Variants in TBC1D23 observed in about 807,000 individuals in gnomAD.
The protein encoded by TBC1D23 is TBC1 domain family member 23.
In TBC1D23, 55 loss-of-function variants were observed where a neutral mutation model predicts 91.4. That is an observed-to-expected ratio of 0.60 (90% CI 0.48 to 0.75). TBC1D23 has a LOEUF of 0.75. Among genes scored for constraint, TBC1D23 ranks in the 30% least tolerant of loss-of-function variants. TBC1D23 has a pLI of 0.00. For synonymous variants in TBC1D23, 289 were observed against 281.0 expected, an observed-to-expected ratio of 1.03 and a Z score of -0.28; for missense variants, 725 against 836.1, an observed-to-expected ratio of 0.87 and a Z score of 1.64.
chr3:100,322,179 C>T (rs1449576223), intron 18 of TBC1D23, among the ~76,000 whole-genome samples: 3 of 152,206 alleles, frequency 2.0e-5, no homozygotes, highest in East Asian at 1.9e-4. Context: ...CTGTAAGCTC[C>T]GCCTCCCAGG....
intron 15 of TBC1D23, among the ~76,000 whole-genome samples, chr3:100,312,242 G>A (rs1046058436): frequency 6.6e-6 from 1 of 152,010 alleles, no homozygotes; most frequent in Non-Finnish European, 1.5e-5. Flanking sequence ...TCTATCTCCC[G>A]CCTAGCAGCA....
At position 100,297,929 on chromosome 3, in the gene TBC1D23, C is replaced by A; in HGVS notation, c.883C>A (p.His295Asn). 1 of 1,605,144 alleles carries A rather than the reference C, an allele frequency of 6.2e-7. No homozygotes were observed. The highest frequency in any genetic ancestry group is 8.5e-7 in the Non-Finnish European group (1 of 1,174,480). ...KTPASFRKDN[H>N]HLFGSTLLGI... is the part of the protein sequence containing the mutation. The stretch of plus-strand genomic sequence containing the variant: ...AAAATTTCCCTTCAAACAGGATAAT[C>A]ACCATCTCTTTGGTAGTACTTTGTT... Residue 295 changes from histidine (H) to asparagine (N), a missense_variant, in exon 9 of 19, where the codon CAC becomes AAC. Coordinates refer to ENST00000394144, the MANE Select transcript of TBC1D23 (RefSeq NM_001199198.3).
chr3:100,290,243 T>C (rs1020373484), intron 4 of TBC1D23, among the ~76,000 whole-genome samples: 9 of 152,212 alleles, frequency 5.9e-5, no homozygotes, highest in Admixed American at 3.3e-4. Context: ...TTCCTCTTTT[T>C]TGGCAGAGAA....
At chr3:100,268,319 A>G (rs1170622413) in intron 1 of TBC1D23, among the ~76,000 whole-genome samples, 1 of 152,112 alleles carries the variant, frequency 6.6e-6, no homozygotes, top group African/African-American at 2.4e-5. Flanking sequence ...TGTGAATTCC[A>G]TTTAGATTAA....
chr3:100,279,800 G>A, intron 2 of TBC1D23, 40 bp downstream of exon 2: 1 of 1,269,260 alleles, frequency 7.9e-7, no homozygotes, highest in Admixed American at 2.0e-5. Flanking sequence ...AATCACTGAA[G>A]AATAATATTT....
At chr3:100,303,623 T>C (rs1705469924) in intron 11 of TBC1D23, among the ~76,000 whole-genome samples, 1 of 151,960 alleles carries the variant, frequency 6.6e-6, no homozygotes, top group Admixed American at 6.6e-5. Flanking sequence ...ATAAAAATAT[T>C]AACTGTGTGT....
Position 100,283,827 on chromosome 3 carries a change from G to C in TBC1D23, c.476+16G>C, listed in dbSNP as rs373434348. The C allele has an allele frequency of 2.6e-5, 41 of 1,548,018 alleles. No homozygotes were observed. In the African/African-American group the frequency reaches 4.6e-4, roughly 17 times the overall value. On this transcript the variant is annotated intron_variant, in intron 4 of 18. Coordinates refer to ENST00000394144, the MANE Select transcript of TBC1D23 (RefSeq NM_001199198.3). ...ACATTCCCAGGTAAAATATGATTCAGTTATTGTAGTTTTTAAAAGTGAATA... is the reference window on the plus strand; with the variant it reads ...ACATTCCCAGGTAAAATATGATTCACTTATTGTAGTTTTTAAAAGTGAATA...
chr3:100,283,016 G>A (rs1389083779), intron 3 of TBC1D23, among the ~76,000 whole-genome samples: 1 of 152,210 alleles, frequency 6.6e-6, no homozygotes, highest in Non-Finnish European at 1.5e-5. Context: ...AAGAAAACAT[G>A]CTTAAGTGAA....
intron 14 of TBC1D23, 76 bp from the exon 15 acceptor site, chr3:100,311,756 AC>A: frequency 1.1e-6 from 1 of 948,798 alleles, no homozygotes; most frequent in South Asian, 1.4e-5. Context: ...ACTAAACTGT[AC>A]CATATTTTTT....
intron 17 of TBC1D23, among the ~76,000 whole-genome samples, chr3:100,320,264 TAAA>T (rs1177144897): frequency 3.3e-5 from 5 of 152,250 alleles, no homozygotes; most frequent in East Asian, 1.9e-4. Context: ...AGTATTATAT[TAAA>T]AAGAAGCTGA....
chr3:100,296,920 GC>G (rs1404152215), intron 8 of TBC1D23, among the ~76,000 whole-genome samples: 5 of 151,082 alleles, frequency 3.3e-5, no homozygotes, highest in African/African-American at 1.2e-4. Flanking sequence ...GTAGAGTTTT[GC>G]CACTTTTCTC....
intron 1 of TBC1D23, among the ~76,000 whole-genome samples, chr3:100,273,452 A>G (rs2067618466): frequency 6.6e-6 from 1 of 152,224 alleles, no homozygotes. Flanking sequence ...CACAAAAGCA[A>G]TTTGTAGATT....
intron 4 of TBC1D23, among the ~76,000 whole-genome samples, chr3:100,284,709 A>G (rs1057081283): frequency 1.3e-5 from 2 of 152,116 alleles, no homozygotes; most frequent in Non-Finnish European, 2.9e-5. Context: ...GAGGCCAGAA[A>G]GAATTGTTGT....
At chr3:100,289,236 C>A (rs886790417) in intron 4 of TBC1D23, among the ~76,000 whole-genome samples, 11 of 151,884 alleles carry the variant, frequency 7.2e-5, no homozygotes, top group South Asian at 6.3e-4. Flanking sequence ...ACAAAAAAAA[C>A]CCAAAAAACA....
At chr3:100,313,473 A>G (rs888855430) in intron 15 of TBC1D23, among the ~76,000 whole-genome samples, 14 of 152,156 alleles carry the variant, frequency 9.2e-5, no homozygotes, top group African/African-American at 3.1e-4. Context: ...ACAGCTGTTG[A>G]ATTTTATTCA....
chr3:100,289,944 G>A (rs561610790), intron 4 of TBC1D23, among the ~76,000 whole-genome samples: 5 of 152,234 alleles, frequency 3.3e-5, no homozygotes, highest in Non-Finnish European at 7.4e-5. Context: ...AGATAAAAAT[G>A]TTAATGTACA....
At position 100,269,990 on chromosome 3, in the gene TBC1D23, G is replaced by A. The variant is rs527262324; in HGVS notation, c.53+8919G>A. 3.3e-5 allele frequency among the ~76,000 whole-genome samples: 5 copies of A among 152,218 alleles called. No individual in the cohort carries two copies. In the East Asian group the frequency reaches 9.6e-4, roughly 29 times the overall value. ...TTAGGATATGTACATGGACAAGCTG[G>A]GCTGTCATGGTTTAATCTGAGCTTA... On this transcript the variant is annotated intron_variant, in intron 1 of 18. Transcript: ENST00000394144.
At position 100,290,680 on chromosome 3, in the gene TBC1D23, A is replaced by G. The variant is rs765096780; in HGVS notation, c.579A>G (p.Pro193=). 2 of 1,612,696 alleles carry G rather than the reference A, an allele frequency of 1.2e-6. No individual in the cohort carries two copies. Among genetic ancestry groups the G allele is most frequent in the Non-Finnish European group, 1.7e-6 (2 of 1,179,058 alleles). ...CSYLDTKKIT[P]DSYALNWLGS... ...ATCTTGATACAAAGAAAATTACTCC[A>G]GACTCCTATGCACTCAACTGGGTAA... The change falls in exon 5 of 19, where the codon CCA becomes CCG. Residue 193 remains proline, a synonymous_variant. Coordinates refer to ENST00000394144, the MANE Select transcript of TBC1D23 (RefSeq NM_001199198.3).
chr3:100,312,125 T>G (rs574480002), intron 15 of TBC1D23, among the ~76,000 whole-genome samples: 6 of 152,304 alleles, frequency 3.9e-5, no homozygotes, highest in African/African-American at 1.2e-4. Context: ...AGATGAAAAT[T>G]AAGTTTGTTC....
Sources: gnomAD v4.1 joint callset for allele counts (sites outside exome capture counted in the v4.1 genomes callset) on GRCh38, gnomAD v4.1.1 for gene constraint, MANE v1.5 for transcripts, NCBI Gene and HGNC (gene_info 2026-07-23, HGNC 2026-07-21) for gene names.